UBR4: variants seen among roughly 807,000 people sequenced by gnomAD.
UBR4 encodes E3 ubiquitin-protein ligase UBR4.
Under a neutral mutation model 575.6 loss-of-function variants are expected in UBR4, and 124 were observed. The observed-to-expected ratio is 0.22, with a 90% CI of 0.19 to 0.25. UBR4 has a LOEUF of 0.25. Ranked by LOEUF, UBR4 falls within the 10% of genes least tolerant of loss-of-function variation. The pLI is 1.00. For synonymous variants in UBR4, 2,455 were observed against 2,473.7 expected (o/e 0.99, Z 0.22); for missense variants, 4,818 against 6,478.8 (o/e 0.74, Z 8.80).
At chr1:19,158,073 T>A in intron 39 of UBR4, 76 bp from the exon 40 acceptor site, 1 of 1,479,998 alleles carries the variant, frequency 6.8e-7, no homozygotes, top group South Asian at 1.3e-5. Context: ...ACTATTCATG[T>A]GCCTGAGACA....
chr1:19,088,813 C>T lies in UBR4; in HGVS notation c.14376G>A (p.Lys4792=), dbSNP rs1242260882. 1 of 1,614,158 alleles carries T rather than the reference C, an allele frequency of 6.2e-7. No individual in the cohort carries two copies. The highest frequency in any genetic ancestry group is 8.5e-7 in the Non-Finnish European group (1 of 1,180,036). ...GCCTCATTGCCATGGCCATGCGCTTCTTCTCTGCCCGGGTCTCCCTGCGGG... is the reference window on the plus strand; with the variant it reads ...GCCTCATTGCCATGGCCATGCGCTTTTTCTCTGCCCGGGTCTCCCTGCGGG... ...DAARRETRAE[K]KRMAMAMRQK... Residue 4792 remains lysine, a synonymous_variant, in exon 98 of 106, where the codon AAG becomes AAA. Transcript: ENST00000375254. The surrounding 1 kb of genome is among the most constrained non-coding windows in gnomAD (Gnocchi z 4.0).
chr1:19,124,715 A>T, intron 64 of UBR4, 25 bp from the exon 65 acceptor site: 1 of 1,601,864 alleles, frequency 6.2e-7, no homozygotes, highest in East Asian at 2.2e-5. Flanking sequence ...TTTGCATGAG[A>T]ACCTGTGACT....
chr1:19,076,078 A>T (rs2075908874), intron 105 of UBR4, among the ~76,000 whole-genome samples: 2 of 152,236 alleles, frequency 1.3e-5, no homozygotes, highest in African/African-American at 4.8e-5. Flanking sequence ...GCACGGGCCA[A>T]GTCACCTCCC....
rs771832190 is a variant in UBR4 at position 19,123,063 on chromosome 1, TGAG to T, written c.9589-6_9589-4del. On this transcript the variant is annotated splice_region_variant and splice_polypyrimidine_tract_variant and intron_variant, in intron 65 of 105. Transcript: ENST00000375254. ...GGAGTCTGCTGGATCATGAGGTACT[TGAG>T]AAGAAAAACACCACAAAGAGTAAAT... 2 of 1,613,932 alleles carry T rather than the reference TGAG, an allele frequency of 1.2e-6. No individual in the cohort carries two copies. The highest frequency in any genetic ancestry group is 3.3e-5 in the Admixed American group (2 of 59,984).
chr1:19,175,001 G>T lies in UBR4; in HGVS notation c.2806C>A (p.Leu936Met), dbSNP rs1330575248. The change falls in exon 21 of 106, where the codon CTG becomes ATG. Residue 936 changes from leucine to methionine, a missense_variant. Leu to Met is a conservative substitution (Grantham distance 15, BLOSUM62 2). Transcript: ENST00000375254. ...AVPHPRFYCV[L>M]SPEASEDDLN... ...TCATCCTCTGAGGCTTCTGGGGACA[G>T]GACACAGTAGAATCTGGGGTGTGGG... The T allele has an allele frequency of 6.2e-7, 1 of 1,613,974 alleles. No individual in the cohort carries two copies. The highest frequency in any genetic ancestry group is 1.1e-5 in the South Asian group (1 of 91,068).
At chr1:19,136,570 AG>A (rs2083220834) in intron 60 of UBR4, among the ~76,000 whole-genome samples, 1 of 152,212 alleles carries the variant, frequency 6.6e-6, no homozygotes, top group South Asian at 2.1e-4. Context: ...TCAACTCAAA[AG>A]AAGGCCACAA....
intron 84 of UBR4, 65 bp downstream of exon 84, chr1:19,105,668 C>A: frequency 8.0e-7 from 1 of 1,242,694 alleles, no homozygotes; most frequent in East Asian, 2.6e-5. Context: ...ATGGATTCCC[C>A]GGGGAAGATG....
At chr1:19,150,302 GC>G (rs1392417617) in intron 49 of UBR4, among the ~76,000 whole-genome samples, 1 of 152,134 alleles carries the variant, frequency 6.6e-6, no homozygotes, top group Non-Finnish European at 1.5e-5. Context: ...CTAGCCTGTG[GC>G]CTCTGGCTAC....
chr1:19,193,915 T>C (rs1390426220), intron 8 of UBR4, among the ~76,000 whole-genome samples: 2 of 152,204 alleles, frequency 1.3e-5, no homozygotes, highest in African/African-American at 2.4e-5. Context: ...ACTATATGCA[T>C]ACTGCTAAGA....
At chr1:19,159,191 G>A (rs548974311) in intron 39 of UBR4, among the ~76,000 whole-genome samples, 1 of 152,084 alleles carries the variant, frequency 6.6e-6, no homozygotes, top group African/African-American at 2.4e-5. Flanking sequence ...TATCTCATTC[G>A]CAATATTTGT....
At chr1:19,183,762 G>C in intron 17 of UBR4, 49 bp downstream of exon 17, 1 of 1,561,944 alleles carries the variant, frequency 6.4e-7, no homozygotes, top group Non-Finnish European at 8.8e-7. Context: ...GCAGCCTATG[G>C]AAGCTGGTGT....
chr1:19,207,985 C>T (rs1168139166), intron 1 of UBR4, among the ~76,000 whole-genome samples: 1 of 152,206 alleles, frequency 6.6e-6, no homozygotes, highest in Non-Finnish European at 1.5e-5. Flanking sequence ...ATTTACAGGA[C>T]GTTTGCCAAC....
chr1:19,208,921 T>C (rs2093161078), intron 1 of UBR4, among the ~76,000 whole-genome samples: 1 of 152,206 alleles, frequency 6.6e-6, no homozygotes, highest in Non-Finnish European at 1.5e-5. Flanking sequence ...AGTAGTATAT[T>C]TGAAACCTGT....
Position 19,123,053 on chromosome 1 carries a change from A to G in UBR4, c.9596T>C (p.Met3199Thr), listed in dbSNP as rs1217077344. Reference sequence around the variant, plus strand: ...GCGCACAAATGGAGTCTGCTGGATCATGAGGTACTTGAGAAGAAAAACACC... The same window carrying G: ...GCGCACAAATGGAGTCTGCTGGATCGTGAGGTACTTGAGAAGAAAAACACC... ...SWFYFLSEYL[M>T]IQQTPFVRRQ... Residue 3199 changes from methionine to threonine, a missense_variant, in exon 66 of 106, where the codon ATG (methionine) becomes ACG (threonine). Met to Thr is a moderately conservative substitution (Grantham distance 81). Coordinates refer to ENST00000375254, the MANE Select transcript of UBR4 (RefSeq NM_020765.3). 6.2e-7 allele frequency: 1 copy of G among 1,614,192 alleles called. No individual in the cohort carries two copies. Among genetic ancestry groups the G allele is most frequent in the Non-Finnish European group, 8.5e-7 (1 of 1,180,014 alleles).
At position 19,094,771 on chromosome 1, in the gene UBR4, G is replaced by A. The variant is rs1570384741; in HGVS notation, c.13746+135C>T. ...ATACAATTATGTCATCATTAGTTGAGTCCTAACATTCCAATGCTTAAGCAG... is the reference window on the plus strand; with the variant it reads ...ATACAATTATGTCATCATTAGTTGAATCCTAACATTCCAATGCTTAAGCAG... On this transcript the variant is annotated intron_variant, in intron 94 of 105. Coordinates refer to ENST00000375254, the MANE Select transcript of UBR4 (RefSeq NM_020765.3). 3 of 1,209,260 alleles carry A rather than the reference G, an allele frequency of 2.5e-6. No individual in the cohort carries two copies. The East Asian group carries it at 7.2e-5, about 29-fold the overall frequency. The allele number at this position is 1,209,260 out of a possible 1,614,324, so 74.9% of individuals were successfully genotyped here.
At position 19,093,533 on chromosome 1, in the gene UBR4, C is replaced by G; in HGVS notation, c.13938-47G>C. On this transcript the variant is annotated intron_variant, in intron 95 of 105. Coordinates refer to ENST00000375254, the MANE Select transcript of UBR4 (RefSeq NM_020765.3). The surrounding 1 kb of genome is among the most constrained non-coding windows in gnomAD (Gnocchi z 4.8). ...TGAGGGTGTGAAAGGCGGGACAAAA[C>G]CCAGTCATGTCACCCTCTTGGTTAA... 6.3e-7 allele frequency: 1 copy of G among 1,592,252 alleles called. No homozygotes were observed. Among genetic ancestry groups the G allele is most frequent in the Non-Finnish European group, 8.6e-7 (1 of 1,164,766 alleles).
Position 19,141,470 on chromosome 1 carries a change from G to T in UBR4, c.8365C>A (p.Pro2789Thr), listed in dbSNP as rs373360176. 27 of 1,613,764 alleles carry T rather than the reference G, an allele frequency of 1.7e-5. No homozygotes were observed. Among genetic ancestry groups the T allele is most frequent in the East Asian group, 2.2e-5 (1 of 44,898 alleles). Reference protein sequence around the residue: ...AENVNNGNPSPLEALLAGAEG... With the variant: ...AENVNNGNPSTLEALLAGAEG... ...GCGCCTGCCAGCAGGGCCTCCAGGG[G>T]AGAGGGGTTGCCATTGTTGACATTT... Residue 2789 changes from proline (P) to threonine (T), a missense_variant, in exon 57 of 106, where the codon CCC becomes ACC. Transcript: ENST00000375254.
Position 19,107,784 on chromosome 1 carries a change from C to CA in UBR4, c.12106-819dup, listed in dbSNP as rs1180962047. 1.5e-3 allele frequency among the ~76,000 whole-genome samples: 208 copies of CA among 142,244 alleles called. 2 individuals are homozygous for CA. The highest frequency in any genetic ancestry group is 8.1e-3 in the Admixed American group (116 of 14,304). 93.3% of individuals were successfully genotyped at this position (142,244 alleles called of 152,430 possible). A position where few individuals can be genotyped will look rare whatever the true frequency, so the allele number is the denominator to read the frequency against. ...TGGGTGACAGAATGGGACCCTGTCT[C>CA]AAAAAAAAAATAAAAAATAAAACAC... On this transcript the variant is annotated intron_variant, in intron 81 of 105. Transcript: ENST00000375254.
Position 19,147,986 on chromosome 1 carries a change from C to A in UBR4, c.7629+7G>T, listed in dbSNP as rs112082204. 5.2e-4 allele frequency: 833 copies of A among 1,611,100 alleles called. 16 individuals are homozygous for A. In the South Asian group the frequency reaches 6.8e-3, roughly 13 times the overall value. ...CTGCAATTTCCTTTCCCTGAGAGAA[C>A]AGTTACCTTGTGGCTGTGGTAGGCC... On this transcript the variant is annotated splice_region_variant and intron_variant, in intron 51 of 105. Coordinates refer to ENST00000375254, the MANE Select transcript of UBR4 (RefSeq NM_020765.3).
Sources: gnomAD v4.1 joint callset for allele counts (sites outside exome capture counted in the v4.1 genomes callset) on GRCh38, gnomAD v4.1.1 for gene constraint, Gnocchi (gnomAD v3.1) non-coding constraint, MANE v1.5 for transcripts, NCBI Gene and HGNC (gene_info 2026-07-23, HGNC 2026-07-21) for gene names.